ADAMTS2: variants seen among roughly 807,000 people sequenced by gnomAD.
ADAMTS2 encodes A disintegrin and metalloproteinase with thrombospondin motifs 2.
Under a neutral mutation model 123.0 loss-of-function variants are expected in ADAMTS2, and 50 were observed. That is an observed-to-expected ratio of 0.41 (90% CI 0.32 to 0.51). The LOEUF (loss-of-function observed/expected upper bound fraction) is 0.51. Ranked by LOEUF, ADAMTS2 falls within the 20% of genes least tolerant of loss-of-function variation. ADAMTS2 has a pLI of 0.35. For synonymous variants in ADAMTS2, 678 were observed against 695.4 expected (o/e 0.98, Z 0.39); for missense variants, 1,494 against 1,705.2 (o/e 0.88, Z 2.18).
chr5:179,215,316 T>C (rs908763229), intron 3 of ADAMTS2, among the ~76,000 whole-genome samples: 2 of 152,064 alleles, frequency 1.3e-5, no homozygotes, highest in African/African-American at 4.8e-5. Flanking sequence ...GGCATGGTGG[T>C]GCATGCCTGT....
intron 4 of ADAMTS2, among the ~76,000 whole-genome samples, chr5:179,207,046 C>G (rs1452332036): frequency 2.6e-5 from 4 of 152,162 alleles, no homozygotes; most frequent in African/African-American, 9.7e-5. Context: ...AGAAAAGGGG[C>G]TTCTGTTTGG....
chr5:179,152,786 C>T (rs1763386847), intron 9 of ADAMTS2, among the ~76,000 whole-genome samples: 2 of 152,098 alleles, frequency 1.3e-5, no homozygotes, highest in Admixed American at 6.5e-5. Flanking sequence ...GAGCCCCCAT[C>T]GCCATGAGAA....
rs148215671 is a variant in ADAMTS2, at chr5:179,322,337, C to T, written c.534+21430G>A. Among the ~76,000 whole-genome samples, 1,002 of 152,264 alleles carry T rather than the reference C, an allele frequency of 6.6e-3. 12 individuals carry two copies. Among genetic ancestry groups the T allele is most frequent in the East Asian group, 0.02 (104 of 5,168 alleles). ...CGTGCCTTCTTTGAATCAGTCCTCA[C>T]GGGGCCATCTCAAGGTGGAGACTCT... On this transcript the variant is annotated intron_variant, in intron 2 of 21. Coordinates refer to ENST00000251582, the MANE Select transcript of ADAMTS2 (RefSeq NM_014244.5).
chr5:179,270,129 A>C (rs1259447096), intron 3 of ADAMTS2, among the ~76,000 whole-genome samples: 1 of 152,134 alleles, frequency 6.6e-6, no homozygotes, highest in Admixed American at 6.5e-5. Context: ...CGTTTCCCCC[A>C]GGCAATCTGC....
At position 179,260,819 on chromosome 5, in the gene ADAMTS2, G is replaced by A. The variant is rs187194562; in HGVS notation, c.688+12092C>T. Among the ~76,000 whole-genome samples, 3 of 152,294 alleles carry A rather than the reference G, an allele frequency of 2.0e-5. No individual in the cohort carries two copies. The highest frequency in any genetic ancestry group is 1.9e-4 in the East Asian group (1 of 5,170). ...GGTCAACGGTAAGTGCTCCAGGAAC[G>A]CGTCACGTTCTTCTTGCTCCCTGCT... On this transcript the variant is annotated intron_variant, in intron 3 of 21. Transcript: ENST00000251582. This position sits in a 1 kb window ranked among gnomAD's most constrained non-coding sequence, Gnocchi z 4.2.
In ADAMTS2 at chr5:179,245,791, A is replaced by AAAAC. The variant is rs1765785954; in HGVS notation, c.688+27119_688+27120insGTTT. 2.7e-4 allele frequency among the ~76,000 whole-genome samples: 23 copies of AAAAC among 85,514 alleles called. 2 individuals are homozygous for AAAAC. Among genetic ancestry groups the AAAAC allele is most frequent in the Admixed American group, 5.4e-4 (4 of 7,354 alleles). 56.1% of individuals were successfully genotyped at this position (85,514 alleles called of 152,430 possible). A position where few individuals can be genotyped will look rare whatever the true frequency, so the allele number is the denominator to read the frequency against. On this transcript the variant is annotated intron_variant, in intron 3 of 21. Coordinates refer to ENST00000251582, the MANE Select transcript of ADAMTS2 (RefSeq NM_014244.5). ...AAAAAAAAAAAAAAAAAAAAAAAAA[A>AAAAC]AAAACAAAAAAAACAAAGATGGGGG...
chr5:179,300,525 T>C (rs908085978), intron 2 of ADAMTS2, among the ~76,000 whole-genome samples: 4 of 152,328 alleles, frequency 2.6e-5, no homozygotes, highest in Non-Finnish European at 4.4e-5. Context: ...ATAGCACCCA[T>C]TGATGTCTTT....
rs1232764827 is a variant in ADAMTS2, at chr5:179,136,534, G to A, written c.1952-492C>T. On this transcript the variant is annotated intron_variant, in intron 12 of 21. Coordinates refer to ENST00000251582, the MANE Select transcript of ADAMTS2 (RefSeq NM_014244.5). ...ACAAAAATTAGCTGGGTGTGGTGGT[G>A]AGCGCCTGTAATCCCAGATACTTGG... 3.9e-5 allele frequency among the ~76,000 whole-genome samples: 6 copies of A among 151,936 alleles called. No individual in the cohort carries two copies. The East Asian group carries it at 9.7e-4, about 24-fold the overall frequency.
At chr5:179,207,939 G>A (rs577650639) in intron 3 of ADAMTS2, among the ~76,000 whole-genome samples, 1 of 152,250 alleles carries the variant, frequency 6.6e-6, no homozygotes, top group East Asian at 1.9e-4. Context: ...TGACTTCCAG[G>A]ACCGCTCGTT....
intron 2 of ADAMTS2, among the ~76,000 whole-genome samples, chr5:179,292,412 G>A (rs1480399078): frequency 2.0e-5 from 3 of 151,856 alleles, no homozygotes; most frequent in East Asian, 3.9e-4. Flanking sequence ...GGAAGAGATA[G>A]CTCCTGAGCC....
rs1756869188 is a variant in ADAMTS2, at chr5:179,312,798, A to G, written c.534+30969T>C. ...ATCCTCCCCTAGAGGCTCCGGAGGG[A>G]GCGCGGCCCTGCCGCCACCTGCGTT... On this transcript the variant is annotated intron_variant, in intron 2 of 21. Coordinates refer to ENST00000251582, the MANE Select transcript of ADAMTS2 (RefSeq NM_014244.5). This position sits in a 1 kb window ranked among gnomAD's most constrained non-coding sequence, Gnocchi z 4.2. Among the ~76,000 whole-genome samples the G allele has an allele frequency of 6.6e-6, 1 of 152,158 alleles. No homozygotes were observed. Among genetic ancestry groups the G allele is most frequent in the Non-Finnish European group, 1.5e-5 (1 of 68,022 alleles).
At chr5:179,221,759 C>G (rs1041871235) in intron 3 of ADAMTS2, among the ~76,000 whole-genome samples, 2 of 152,146 alleles carry the variant, frequency 1.3e-5, no homozygotes, top group Non-Finnish European at 2.9e-5. Context: ...ACGCCCCCCT[C>G]AGCTCAAGAC....
At chr5:179,284,598 G>C (rs1269092361) in intron 2 of ADAMTS2, among the ~76,000 whole-genome samples, 1 of 152,036 alleles carries the variant, frequency 6.6e-6, no homozygotes, top group Admixed American at 6.6e-5. Context: ...TGTTGGCCAG[G>C]CTGGTCTCGA....
chr5:179,176,542 C>T (rs1763934158), intron 5 of ADAMTS2, among the ~76,000 whole-genome samples: 2 of 152,186 alleles, frequency 1.3e-5, no homozygotes, highest in Non-Finnish European at 2.9e-5. Context: ...CGCCTTCACC[C>T]ACCTAGTGCC....
chr5:179,313,462 ACT>A (rs1561728559), intron 2 of ADAMTS2, among the ~76,000 whole-genome samples: 1 of 704 alleles, frequency 1.4e-3, no homozygotes, highest in African/African-American at 7.2e-3. Context: ...TCATGCACAC[ACT>A]CACACCGAGA....
chr5:179,193,235 T>G (rs1041339078), intron 4 of ADAMTS2, among the ~76,000 whole-genome samples: 1 of 152,206 alleles, frequency 6.6e-6, no homozygotes, highest in Non-Finnish European at 1.5e-5. Context: ...GGACGGGAGC[T>G]GGCTGGGGCT....
intron 3 of ADAMTS2, among the ~76,000 whole-genome samples, chr5:179,219,514 G>A (rs565596239): frequency 6.6e-6 from 1 of 152,358 alleles, no homozygotes; most frequent in Admixed American, 6.5e-5. Flanking sequence ...GCACCTCCCA[G>A]TGTGGGGCGA....
At chr5:179,299,891 G>C (rs886195986) in intron 2 of ADAMTS2, among the ~76,000 whole-genome samples, 2 of 151,832 alleles carry the variant, frequency 1.3e-5, no homozygotes, top group Non-Finnish European at 2.9e-5. Flanking sequence ...TCAGGAGATG[G>C]AGACCATCCT....
At chr5:179,146,386 C>T (rs115221777) in intron 10 of ADAMTS2, among the ~76,000 whole-genome samples, 1,672 of 152,004 alleles carry the variant, frequency 0.011, 35 homozygotes, top group African/African-American at 0.037. Context: ...CTCTGGTTTC[C>T]GTCCTTGATG....
Sources: allele counts gnomAD v4.1 joint callset (sites outside exome capture counted in the v4.1 genomes callset), GRCh38; gene constraint gnomAD v4.1.1; non-coding constraint Gnocchi (gnomAD v3.1); transcripts MANE v1.5; gene names NCBI Gene and HGNC (gene_info 2026-07-23, HGNC 2026-07-21).